Variants in LMX1A observed in about 807,000 individuals in gnomAD.
The protein encoded by LMX1A is LIM homeobox transcription factor 1-alpha.
Under a neutral mutation model 49.1 loss-of-function variants are expected in LMX1A, and 15 were observed. The observed-to-expected ratio is 0.31, with a 90% CI of 0.20 to 0.47. LMX1A has a LOEUF of 0.47. LMX1A is among the 20% of genes least tolerant of loss of function. The pLI, the probability that LMX1A is intolerant of heterozygous loss-of-function variation, is 1.00. For missense variants in LMX1A, 372 were observed against 475.8 expected, an observed-to-expected ratio of 0.78 and a Z score of 2.03; for synonymous variants, 167 against 185.7, an observed-to-expected ratio of 0.90 and a Z score of 0.82.
At chr1:165,207,795 C>T (rs187819289) in intron 7 of LMX1A, among the ~76,000 whole-genome samples, 2 of 152,320 alleles carry the variant, frequency 1.3e-5, no homozygotes, top group East Asian at 3.9e-4. Flanking sequence ...CAGTCCCTGA[C>T]GCTGTGGTGG....
At position 165,213,831 on chromosome 1, in the gene LMX1A, C is replaced by T; in HGVS notation, c.497-18G>A. The T allele has an allele frequency of 6.2e-7, 1 of 1,612,658 alleles. No homozygotes were observed. The highest frequency in any genetic ancestry group is 8.5e-7 in the Non-Finnish European group (1 of 1,179,372). On this transcript the variant is annotated intron_variant, in intron 4 of 8. Coordinates refer to ENST00000342310, the MANE Select transcript of LMX1A (RefSeq NM_177398.4). ...ACTTTTACCTGAAAGAAGCAAAAGA[C>T]AATGTTGTGAGTCCCTGAAAGCCAG... is the stretch of plus-strand genomic sequence containing the variant.
At chr1:165,231,606 C>A (rs1479698121) in intron 4 of LMX1A, among the ~76,000 whole-genome samples, 1 of 152,164 alleles carries the variant, frequency 6.6e-6, no homozygotes, top group Non-Finnish European at 1.5e-5. Context: ...CTGATTAATC[C>A]TTTTCTTTAT....
intron 3 of LMX1A, among the ~76,000 whole-genome samples, chr1:165,275,567 A>T (rs1349551159): frequency 6.6e-6 from 1 of 151,762 alleles, no homozygotes; most frequent in East Asian, 1.9e-4. Context: ...CCTCAATTAC[A>T]CTCTGTTGCC....
At chr1:165,283,710 A>G (rs1363594965) in intron 3 of LMX1A, among the ~76,000 whole-genome samples, 3 of 152,200 alleles carry the variant, frequency 2.0e-5, no homozygotes, top group Non-Finnish European at 4.4e-5. Context: ...TGAGTAGAGA[A>G]ACCATGTCTG....
intron 3 of LMX1A, among the ~76,000 whole-genome samples, chr1:165,258,501 T>C (rs1571184431): frequency 6.6e-6 from 1 of 151,832 alleles, no homozygotes; most frequent in Non-Finnish European, 1.5e-5. Flanking sequence ...TCTGCAGTGG[T>C]GAGAAAATGG....
chr1:165,352,193 T>C (rs1656448455), intron 3 of LMX1A, among the ~76,000 whole-genome samples: 1 of 152,266 alleles, frequency 6.6e-6, no homozygotes, highest in African/African-American at 2.4e-5. Context: ...GAAGTTCTTC[T>C]ACCTCCCACT....
chr1:165,341,546 T>C (rs1243945282), intron 3 of LMX1A, among the ~76,000 whole-genome samples: 1 of 151,422 alleles, frequency 6.6e-6, no homozygotes, highest in African/African-American at 2.4e-5. Flanking sequence ...GTGTCTTCCT[T>C]CATAGAGCTT....
chr1:165,328,232 G>C (rs567377835), intron 3 of LMX1A, among the ~76,000 whole-genome samples: 2 of 152,354 alleles, frequency 1.3e-5, no homozygotes, highest in South Asian at 4.1e-4. Context: ...TCTGTGACCT[G>C]TGTTGAGGTC....
At chr1:165,326,170 T>A (rs1234974847) in intron 3 of LMX1A, among the ~76,000 whole-genome samples, 36 of 151,990 alleles carry the variant, frequency 2.4e-4, no homozygotes, top group Admixed American at 2.4e-3. Flanking sequence ...GTGGAAATGA[T>A]GATTAAAGGA....
chr1:165,231,332 G>A (rs1055334188), intron 4 of LMX1A, among the ~76,000 whole-genome samples: 4 of 151,260 alleles, frequency 2.6e-5, no homozygotes, highest in African/African-American at 7.3e-5. Flanking sequence ...AGACAGGGTC[G>A]CAACTCTACT....
chr1:165,260,137 CA>C (rs1374595031), intron 3 of LMX1A, among the ~76,000 whole-genome samples: 1 of 152,146 alleles, frequency 6.6e-6, no homozygotes, highest in Non-Finnish European at 1.5e-5. Flanking sequence ...TTGAAAATGT[CA>C]GTTTTCCTTT....
At position 165,309,305 on chromosome 1, in the gene LMX1A, C is replaced by T. The variant is rs568934860; in HGVS notation, c.263+43771G>A. 2.0e-4 allele frequency among the ~76,000 whole-genome samples: 30 copies of T among 152,308 alleles called. No homozygotes were observed. In the South Asian group the frequency reaches 2.9e-3, roughly 15 times the overall value. On this transcript the variant is annotated intron_variant, in intron 3 of 8. Coordinates refer to ENST00000342310, the MANE Select transcript of LMX1A (RefSeq NM_177398.4). ...AAGTCTTGCTTTCCATTTTCTGATACATGGGATCAACTTTAATAACAAAAA... is the reference window on the plus strand; with the variant it reads ...AAGTCTTGCTTTCCATTTTCTGATATATGGGATCAACTTTAATAACAAAAA...
chr1:165,296,094 T>A (rs1039429282), intron 3 of LMX1A, among the ~76,000 whole-genome samples: 1 of 152,174 alleles, frequency 6.6e-6, no homozygotes, highest in South Asian at 2.1e-4. Context: ...ATCAAACTAG[T>A]TATATTTCCC....
chr1:165,257,542 A>T (rs1158131388), intron 3 of LMX1A, among the ~76,000 whole-genome samples: 1 of 152,216 alleles, frequency 6.6e-6, no homozygotes, highest in Non-Finnish European at 1.5e-5. Context: ...TGGGTTAGGA[A>T]CAAATAGTGT....
chr1:165,273,825 AG>A (rs972211416), intron 3 of LMX1A, among the ~76,000 whole-genome samples: 3 of 152,230 alleles, frequency 2.0e-5, no homozygotes, highest in Non-Finnish European at 4.4e-5. Flanking sequence ...ACGGTGCAAG[AG>A]GACATTTAAT....
At chr1:165,295,265 A>G (rs1472347996) in intron 3 of LMX1A, among the ~76,000 whole-genome samples, 1 of 151,454 alleles carries the variant, frequency 6.6e-6, no homozygotes, top group Non-Finnish European at 1.5e-5. Flanking sequence ...GGCAGAAAAA[A>G]AGAAAAAAAA....
intron 3 of LMX1A, among the ~76,000 whole-genome samples, chr1:165,308,683 T>C (rs1654988150): frequency 6.6e-6 from 1 of 152,214 alleles, no homozygotes; most frequent in African/African-American, 2.4e-5. Flanking sequence ...GTGACTTGAT[T>C]GGTCCCCTGG....
rs114993131 is a variant in LMX1A, at chr1:165,219,844, G to C, written c.497-6031C>G. On this transcript the variant is annotated intron_variant, in intron 4 of 8. Transcript: ENST00000342310. The stretch of plus-strand genomic sequence containing the variant: ...CAGGGATGATGAAGATTCAGCCTCT[G>C]CTCTCACAGATATATGTGATTAGTA... Among the ~76,000 whole-genome samples, 1,248 of 152,320 alleles carry C rather than the reference G, an allele frequency of 8.2e-3. 18 individuals are homozygous for C. Among genetic ancestry groups the C allele is most frequent in the African/African-American group, 0.028 (1,162 of 41,560 alleles).
chr1:165,217,455 C>G (rs758127950), intron 4 of LMX1A, among the ~76,000 whole-genome samples: 8 of 152,198 alleles, frequency 5.3e-5, no homozygotes, highest in Non-Finnish European at 1.0e-4. Flanking sequence ...GTGAGCACCA[C>G]AGGTGGCTGC....
Sources: allele counts gnomAD v4.1 joint callset (sites outside exome capture counted in the v4.1 genomes callset), GRCh38; gene constraint gnomAD v4.1.1; transcripts MANE v1.5; gene names NCBI Gene and HGNC (gene_info 2026-07-23, HGNC 2026-07-21).